Variants in WDR37 observed in about 807,000 individuals in gnomAD.
WDR37 encodes WD repeat-containing protein 37.
WDR37 carries 19 observed loss-of-function variants against 62.9 expected under a neutral mutation model. The ratio of observed to expected loss-of-function variants is 0.30; its 90% CI spans 0.21 to 0.44. The LOEUF (loss-of-function observed/expected upper bound fraction) is 0.44. Ranked by LOEUF, WDR37 falls within the 20% of genes least tolerant of loss-of-function variation. The pLI, the probability that WDR37 is intolerant of heterozygous loss-of-function variation, is 1.00. For missense variants in WDR37, 474 were observed against 657.6 expected, an observed-to-expected ratio of 0.72 and a Z score of 3.05; for synonymous variants, 250 against 260.9, an observed-to-expected ratio of 0.96 and a Z score of 0.40.
intron 5 of WDR37, 136 bp from the exon 6 acceptor site, chr10:1,084,266 CT>C: frequency 8.6e-7 from 1 of 1,163,208 alleles, no homozygotes; most frequent in Non-Finnish European, 1.2e-6. Flanking sequence ...CACACTTGCG[CT>C]GTGTTCCTTG....
rs749625490 is a variant in WDR37, at chr10:1,125,007, C to T, written c.1336C>T (p.Pro446Ser). The T allele has an allele frequency of 1.2e-6, 2 of 1,614,204 alleles. No homozygotes were observed. Among genetic ancestry groups the T allele is most frequent in the South Asian group, 1.1e-5 (1 of 91,080 alleles). The change falls in exon 13 of 14, where the codon CCC becomes TCC. Residue 446 changes from proline (P) to serine (S), a missense_variant. Pro to Ser is a moderately conservative substitution (Grantham distance 74). Coordinates refer to ENST00000263150, the MANE Select transcript of WDR37 (RefSeq NM_014023.4). Reference protein sequence around the residue: ...DMSGVRLARLPRSSRQGHRRM... With the variant: ...DMSGVRLARLSRSSRQGHRRM... ...GTCAGGAGTGCGCCTGGCGCGGCTTCCCCGGAGCAGCCGACAGGTAACAGC... is the reference window on the plus strand; with the variant it reads ...GTCAGGAGTGCGCCTGGCGCGGCTTTCCCGGAGCAGCCGACAGGTAACAGC...
At chr10:1,118,966 C>T (rs1835488985) in intron 11 of WDR37, among the ~76,000 whole-genome samples, 1 of 152,188 alleles carries the variant, frequency 6.6e-6, no homozygotes, top group Admixed American at 6.5e-5. Context: ...TTACTTACTG[C>T]TCCTGAACAT....
In WDR37 at chr10:1,069,370, A is replaced by AAT. The variant is rs1351085134; in HGVS notation, c.-40-2727_-40-2726dup. 4.4e-4 allele frequency among the ~76,000 whole-genome samples: 36 copies of AAT among 81,416 alleles called. 2 individuals carry two copies. Among genetic ancestry groups the AAT allele is most frequent in the Non-Finnish European group, 6.4e-4 (28 of 43,696 alleles). The allele number at this position is 81,416 out of a possible 152,430, so 53.4% of individuals were successfully genotyped here. A position where few individuals can be genotyped will look rare whatever the true frequency, so the allele number is the denominator to read the frequency against. ...TAGTAATAGTAAAAAAATTGGAAAG[A>AAT]ATATATATATATATATATATTTTTT... On this transcript the variant is annotated intron_variant, in intron 1 of 13. Transcript: ENST00000263150.
chr10:1,112,497 G>A (rs1007860929), intron 11 of WDR37, among the ~76,000 whole-genome samples: 6 of 152,192 alleles, frequency 3.9e-5, no homozygotes, highest in African/African-American at 1.4e-4. Flanking sequence ...GAAGAGTTGC[G>A]TGTCCCTCAC....
In WDR37 at chr10:1,096,258, T is replaced by A; in HGVS notation, c.726+12T>A. ...TTGCTGACACTAGTGTAAGCACCTT[T>A]CCTTACCTGTGAATGTGTAGGATGC... is the stretch of plus-strand genomic sequence containing the variant. On this transcript the variant is annotated intron_variant, in intron 9 of 13. Coordinates refer to ENST00000263150, the MANE Select transcript of WDR37 (RefSeq NM_014023.4). 1 of 1,613,712 alleles carries A rather than the reference T, an allele frequency of 6.2e-7. No individual in the cohort carries two copies. The highest frequency in any genetic ancestry group is 8.5e-7 in the Non-Finnish European group (1 of 1,179,632).
At chr10:1,074,544 T>A in intron 2 of WDR37, 1 of 1,303,176 alleles carries the variant, frequency 7.7e-7, no homozygotes, top group South Asian at 1.2e-5. Context: ...GCCTTCCCCC[T>A]GCCCTGGGCG....
At chr10:1,116,143 C>A (rs1835387932) in intron 11 of WDR37, among the ~76,000 whole-genome samples, 2 of 152,118 alleles carry the variant, frequency 1.3e-5, no homozygotes, top group African/African-American at 4.8e-5. Flanking sequence ...CTCCCGTCAT[C>A]CACCCCGCCC....
chr10:1,080,587 GT>G, intron 5 of WDR37, 111 bp downstream of exon 5: 1 of 1,293,654 alleles, frequency 7.7e-7, no homozygotes, highest in Non-Finnish European at 1.1e-6. Context: ...AAGATAAATG[GT>G]TTTAAGGGAA....
chr10:1,079,083 A>C (rs1363521429), intron 3 of WDR37, among the ~76,000 whole-genome samples: 1 of 116,290 alleles, frequency 8.6e-6, no homozygotes, highest in Non-Finnish European at 2.0e-5. Flanking sequence ...AATCATTTCA[A>C]CTTTTTTGTT....
chr10:1,119,177 G>A (rs1311717555), intron 11 of WDR37, among the ~76,000 whole-genome samples: 1 of 152,198 alleles, frequency 6.6e-6, no homozygotes, highest in Non-Finnish European at 1.5e-5. Flanking sequence ...GTGAGAAACG[G>A]TCTCTGTCCT....
intron 9 of WDR37, 88 bp downstream of exon 9, chr10:1,096,334 T>C (rs900424893): frequency 6.6e-5 from 95 of 1,444,752 alleles, no homozygotes; most frequent in Non-Finnish European, 8.7e-6. Context: ...ATGGACGGAA[T>C]GTTTGTGTCC....
intron 8 of WDR37, among the ~76,000 whole-genome samples, chr10:1,095,849 G>C (rs774255874): frequency 1.3e-5 from 2 of 152,082 alleles, no homozygotes; most frequent in African/African-American, 4.8e-5. Context: ...GATATGATAG[G>C]GTTTCTTAGG....
At chr10:1,128,117 T>C (rs1835857720) in intron 13 of WDR37, among the ~76,000 whole-genome samples, 1 of 152,252 alleles carries the variant, frequency 6.6e-6, no homozygotes, top group African/African-American at 2.4e-5. Context: ...TGGATGTCTT[T>C]CCAGATGTAT....
intron 7 of WDR37, among the ~76,000 whole-genome samples, 174 bp from the exon 8 acceptor site, chr10:1,093,278 A>G (rs552650998): frequency 6.6e-6 from 1 of 152,242 alleles, no homozygotes; most frequent in Admixed American, 6.5e-5. Context: ...AGTTGTTTTT[A>G]TTGTGCCTGT....
Position 1,072,024 on chromosome 10 carries a change from T to C in WDR37, c.-40-92T>C. 8 of 1,007,932 alleles carry C rather than the reference T, an allele frequency of 7.9e-6. No individual in the cohort carries two copies. In the South Asian group the frequency reaches 1.3e-4, roughly 16 times the overall value. The allele number at this position is 1,007,932 out of a possible 1,614,324, so 62.4% of individuals were successfully genotyped here. On this transcript the variant is annotated intron_variant, in intron 1 of 13. Coordinates refer to ENST00000263150, the MANE Select transcript of WDR37 (RefSeq NM_014023.4). ...TTAATGTTAACTATAGTAAGGAAGC[T>C]TGTAATTAGAAGTCATCATTATCTT...
In WDR37 at chr10:1,121,483, C is replaced by T. The variant is rs1340974819; in HGVS notation, c.1104-2735C>T. ...TGTTCTTTATTTTTTTAGATGAAGACTCTGGAGGAGTTACTGGGTTGATTT... is the reference window on the plus strand; with the variant it reads ...TGTTCTTTATTTTTTTAGATGAAGATTCTGGAGGAGTTACTGGGTTGATTT... On this transcript the variant is annotated intron_variant, in intron 11 of 13. Transcript: ENST00000263150. The surrounding 1 kb of genome is among the most constrained non-coding windows in gnomAD (Gnocchi z 4.5). Among the ~76,000 whole-genome samples, 1 of 152,152 alleles carries T rather than the reference C, an allele frequency of 6.6e-6. No homozygotes were observed. The highest frequency in any genetic ancestry group is 1.5e-5 in the Non-Finnish European group (1 of 68,022).
chr10:1,095,717 G>T (rs1161457927), intron 8 of WDR37, among the ~76,000 whole-genome samples: 1 of 152,204 alleles, frequency 6.6e-6, no homozygotes, highest in African/African-American at 2.4e-5. Flanking sequence ...TGGGACGGGA[G>T]CCGCACACAT....
chr10:1,116,243 C>T (rs1319779451), intron 11 of WDR37, among the ~76,000 whole-genome samples: 2 of 151,588 alleles, frequency 1.3e-5, no homozygotes, highest in Non-Finnish European at 2.9e-5. Flanking sequence ...TCCCCCCTGC[C>T]CTGGGTCATC....
In WDR37 at chr10:1,130,844, A is replaced by C. The variant is rs1835934722; in HGVS notation, c.*1500A>C. ...CGCCAGGGATGAGAGGCACCTCCCT[A>C]CTTGGGTCTTCAGGAGCTGGTCCAA... is the stretch of plus-strand genomic sequence containing the variant. On this transcript the variant is annotated 3_prime_UTR_variant, in exon 14 of 14. Transcript: ENST00000263150. 6.6e-6 allele frequency: 1 copy of C among 150,956 alleles called. No individual in the cohort carries two copies. The allele number at this position is 150,956 out of a possible 1,614,324, so 9.4% of individuals were successfully genotyped here.
Sources: gnomAD v4.1 joint callset for allele counts (sites outside exome capture counted in the v4.1 genomes callset) on GRCh38, gnomAD v4.1.1 for gene constraint, Gnocchi (gnomAD v3.1) non-coding constraint, MANE v1.5 for transcripts, NCBI Gene and HGNC (gene_info 2026-07-23, HGNC 2026-07-21) for gene names.